The following CDYL variants were observed in gnomAD, a reference collection of about 807,000 sequenced individuals.
The protein encoded by CDYL is chromodomain Y like, also known as chromodomain Y-like protein.
In CDYL, 8 loss-of-function variants were observed where a neutral mutation model predicts 47.3. That is an observed-to-expected ratio of 0.17 (90% CI 0.10 to 0.31). CDYL has a LOEUF of 0.31. Among genes scored for constraint, CDYL ranks in the 10% least tolerant of loss-of-function variants. The pLI, the probability that CDYL is intolerant of heterozygous loss-of-function variation, is 1.00. For missense variants in CDYL, 471 were observed against 701.4 expected, an observed-to-expected ratio of 0.67 and a Z score of 3.71; for synonymous variants, 266 against 265.0, an observed-to-expected ratio of 1.00 and a Z score of -0.04.
At chr6:4,784,050 T>A (rs1758688952) in intron 1 of CDYL, among the ~76,000 whole-genome samples, 1 of 152,214 alleles carries the variant, frequency 6.6e-6, no homozygotes, top group Non-Finnish European at 1.5e-5. Flanking sequence ...TTTTGTTTTC[T>A]TTTTATGTGC....
chr6:4,856,620 C>T (rs376998317), intron 1 of CDYL, among the ~76,000 whole-genome samples: 1 of 152,002 alleles, frequency 6.6e-6, no homozygotes, highest in Non-Finnish European at 1.5e-5. Context: ...GGGATGGCAG[C>T]GGGAAGAGCG....
chr6:4,943,894 G>A (rs1239836636), intron 5 of CDYL, 138 bp downstream of exon 5: 3 of 631,372 alleles, frequency 4.8e-6, no homozygotes, highest in Non-Finnish European at 7.9e-6. Context: ...TCAGATTTGG[G>A]TTCATAGACG....
intron 3 of CDYL, 113 bp downstream of exon 3, chr6:4,935,884 A>G (rs1758177455): frequency 4.0e-6 from 6 of 1,488,850 alleles, no homozygotes; most frequent in East Asian, 2.3e-5. Flanking sequence ...CTTTTGGGCC[A>G]TCTCCCGATG....
chr6:4,723,815 T>C (rs1051619394), intron 2 of CDYL, among the ~76,000 whole-genome samples: 3 of 152,228 alleles, frequency 2.0e-5, no homozygotes. Context: ...GTCGTTATTT[T>C]AGGCACATAC....
At chr6:4,718,563 CCA>C (rs1757312179) in intron 2 of CDYL, 1 of 152,194 alleles carries the variant, frequency 6.6e-6, no homozygotes, top group African/African-American at 2.4e-5. Context: ...CAGGTGTGAA[CCA>C]CCATGCTCGG....
intron 1 of CDYL, among the ~76,000 whole-genome samples, chr6:4,833,710 G>C (rs2127454973): frequency 6.6e-6 from 1 of 151,736 alleles, no homozygotes; most frequent in Admixed American, 6.5e-5. Flanking sequence ...GGGAGTCTAA[G>C]TCTCTTTTTA....
intron 2 of CDYL, among the ~76,000 whole-genome samples, chr6:4,723,096 T>C (rs533624907): frequency 6.6e-6 from 1 of 152,186 alleles, no homozygotes; most frequent in East Asian, 1.9e-4. Flanking sequence ...CAACCAACCA[T>C]GGATCTAAAA....
intron 1 of CDYL, among the ~76,000 whole-genome samples, chr6:4,877,755 G>T (rs543330792): frequency 1.3e-5 from 2 of 152,222 alleles, no homozygotes; most frequent in East Asian, 3.9e-4. Context: ...CTTGAAATAG[G>T]TTGTAGGAGC....
intron 1 of CDYL, among the ~76,000 whole-genome samples, chr6:4,806,811 T>C (rs2127442098): frequency 6.6e-6 from 1 of 152,362 alleles, no homozygotes; most frequent in African/African-American, 2.4e-5. Context: ...TTGGCCAGAA[T>C]TCCATAGACA....
intron 1 of CDYL, among the ~76,000 whole-genome samples, chr6:4,711,937 C>T (rs1165493128): frequency 6.6e-6 from 1 of 152,070 alleles, no homozygotes; most frequent in Non-Finnish European, 1.5e-5. Flanking sequence ...TGGTGGTATG[C>T]ACCTGTAGAT....
At chr6:4,924,786 C>T (rs753228552) in intron 2 of CDYL, among the ~76,000 whole-genome samples, 11 of 152,082 alleles carry the variant, frequency 7.2e-5, no homozygotes, top group Non-Finnish European at 1.2e-4. Context: ...TCCTAAAAAT[C>T]GCCACACTGC....
intron 2 of CDYL, among the ~76,000 whole-genome samples, chr6:4,729,720 C>G (rs1312627227): frequency 1.3e-5 from 2 of 152,272 alleles, no homozygotes; most frequent in African/African-American, 4.8e-5. Context: ...GAGTTTGAGA[C>G]CTGCCTGGGC....
chr6:4,896,429 A>C (rs2127490217), intron 2 of CDYL, among the ~76,000 whole-genome samples: 1 of 152,272 alleles, frequency 6.6e-6, no homozygotes, highest in African/African-American at 2.4e-5. Flanking sequence ...GTGCTCTGCA[A>C]GTACTTGTGG....
At chr6:4,916,975 G>A (rs944434349) in intron 2 of CDYL, among the ~76,000 whole-genome samples, 6 of 152,108 alleles carry the variant, frequency 3.9e-5, no homozygotes, top group African/African-American at 9.7e-5. Context: ...GCTTTGATCC[G>A]TTTTGTTTTT....
At chr6:4,838,123 T>G (rs971631510) in intron 1 of CDYL, among the ~76,000 whole-genome samples, 2 of 152,214 alleles carry the variant, frequency 1.3e-5, no homozygotes, top group African/African-American at 4.8e-5. Context: ...TTGTAATGCC[T>G]TGTGACTCTT....
intron 1 of CDYL, among the ~76,000 whole-genome samples, chr6:4,789,684 C>T (rs186937764): frequency 3.3e-5 from 5 of 152,280 alleles, no homozygotes; most frequent in East Asian, 3.9e-4. Context: ...CTGGGTTCAG[C>T]GTTGTTCCCA....
chr6:4,795,778 G>A (rs1759054476), intron 1 of CDYL, among the ~76,000 whole-genome samples: 1 of 149,652 alleles, frequency 6.7e-6, no homozygotes, highest in South Asian at 2.1e-4. Flanking sequence ...ATTATTTCTG[G>A]TTCTTTATTT....
chr6:4,883,599 C>G (rs1045113051), intron 1 of CDYL, among the ~76,000 whole-genome samples: 12 of 152,220 alleles, frequency 7.9e-5, no homozygotes, highest in African/African-American at 2.7e-4. Flanking sequence ...TGACCACTGT[C>G]AGGCAGTTCT....
chr6:4,911,540 T>C (rs1373320985), intron 2 of CDYL, among the ~76,000 whole-genome samples: 4 of 152,228 alleles, frequency 2.6e-5, no homozygotes, highest in African/African-American at 9.6e-5. Flanking sequence ...TGGTACTGTT[T>C]GCTAAAGGGG....
Sources: allele counts gnomAD v4.1 joint callset (sites outside exome capture counted in the v4.1 genomes callset), GRCh38; gene constraint gnomAD v4.1.1; transcripts MANE v1.5; gene names NCBI Gene and HGNC (gene_info 2026-07-23, HGNC 2026-07-21).